Variants in ZFHX4 observed in about 807,000 individuals in gnomAD.
The protein encoded by ZFHX4 is zinc finger homeobox protein 4.
A neutral mutation model predicts 267.6 loss-of-function variants in ZFHX4; 56 were observed. The observed-to-expected ratio is 0.21, with a 90% confidence interval of 0.17 to 0.26. The LOEUF (loss-of-function observed/expected upper bound fraction) is 0.26, where lower values mean the gene tolerates loss of function less well. ZFHX4 is among the 10% of genes least tolerant of loss of function. The pLI is 1.00. For synonymous variants in ZFHX4, 1,778 were observed against 1,665.6 expected (o/e 1.07, Z -1.64); for missense variants, 4,332 against 4,420.0 (o/e 0.98, Z 0.56).
chr8:76,742,753 T>C (rs564152477), intron 3 of ZFHX4, among the ~76,000 whole-genome samples: 125 of 152,304 alleles, frequency 8.2e-4, no homozygotes, highest in African/African-American at 2.9e-3. Context: ...ACAAGTGATT[T>C]AATAGTCTGC....
At chr8:76,827,149 G>A (rs1439356415) in intron 4 of ZFHX4, among the ~76,000 whole-genome samples, 4 of 152,228 alleles carry the variant, frequency 2.6e-5, no homozygotes, top group African/African-American at 4.8e-5. Flanking sequence ...TTCCACAGAC[G>A]GAGTGGTCAG....
intron 3 of ZFHX4, among the ~76,000 whole-genome samples, chr8:76,728,509 G>C (rs769242450): frequency 6.6e-6 from 1 of 152,172 alleles, no homozygotes; most frequent in Non-Finnish European, 1.5e-5. Flanking sequence ...ATCAGTGAGT[G>C]AAAAAGAACT....
Position 76,791,563 on chromosome 8 carries a change from T to G in ZFHX4, c.3325+13124T>G, listed in dbSNP as rs184827158. On this transcript the variant is annotated intron_variant, in intron 4 of 10. Coordinates refer to ENST00000651372, the MANE Select transcript of ZFHX4 (RefSeq NM_024721.5). ...GCTATTTTTACTGTATTTAAAATGT[T>G]GAGAAATTTCATTCCTGTACAAAGT... Among the ~76,000 whole-genome samples the G allele has an allele frequency of 1.0e-3, 153 of 152,254 alleles. 1 individual carries two copies. The South Asian group carries it at 0.012, about 12-fold the overall frequency.
chr8:76,708,263 C>T, intron 3 of ZFHX4: 1 of 600,640 alleles, frequency 1.7e-6, no homozygotes, highest in Non-Finnish European at 2.8e-6. Context: ...TCACTTACAC[C>T]TGTCTCAGTG....
intron 2 of ZFHX4, 57 bp downstream of exon 2, chr8:76,706,735 G>A (rs1260509472): frequency 2.1e-6 from 3 of 1,459,432 alleles, no homozygotes; most frequent in Non-Finnish European, 2.7e-6. Flanking sequence ...TTTTGATTTG[G>A]CGTGATGCAC....
chr8:76,735,904 T>C (rs1465809376), intron 3 of ZFHX4, among the ~76,000 whole-genome samples: 2 of 152,054 alleles, frequency 1.3e-5, no homozygotes, highest in Non-Finnish European at 1.5e-5. Context: ...ATTTTAGGGA[T>C]TAGGATAGTG....
In ZFHX4 at chr8:76,842,766, A is replaced by G. The variant is rs747383007; in HGVS notation, c.3506A>G (p.Asp1169Gly). 13 of 1,549,182 alleles carry G rather than the reference A, an allele frequency of 8.4e-6. No individual in the cohort carries two copies. ...AGTGAAGGCAAAAACTCTAATAAAG[A>G]CTCTGGTAAGATGCAAGAATCTTTC... ...DNSEGKNSNK[D>G]SGIITPEKEL... Residue 1169 changes from aspartate to glycine, a missense_variant, in exon 6 of 11, where the codon GAC becomes GGC. Asp to Gly is a moderately conservative substitution (Grantham distance 94). Coordinates refer to ENST00000651372, the MANE Select transcript of ZFHX4 (RefSeq NM_024721.5).
rs1808262803 is a variant in ZFHX4 at position 76,706,153 on chromosome 8, G to C, written c.2065G>C (p.Gly689Arg). The change falls in exon 2 of 11, where the codon GGT becomes CGT. Residue 689 changes from glycine to arginine, a missense_variant. Gly to Arg is a moderately radical substitution (Grantham distance 125). This residue lies in a region of ZFHX4 where 1,195 missense variants were observed against 1,173.6 expected (regional missense o/e 1.02). Coordinates refer to ENST00000651372, the MANE Select transcript of ZFHX4 (RefSeq NM_024721.5). Reference sequence around the variant, plus strand: ...ACAGCCTCACCCCAGGCTTGCCCGGGGTGAGAGTTACACGTGTGGCTATAA... The same window carrying C: ...ACAGCCTCACCCCAGGCTTGCCCGGCGTGAGAGTTACACGTGTGGCTATAA... ...TGQPHPRLAR[G>R]ESYTCGYKPF... The C allele has an allele frequency of 6.2e-7, 1 of 1,613,988 alleles. No homozygotes were observed. The highest frequency in any genetic ancestry group is 8.5e-7 in the Non-Finnish European group (1 of 1,179,966).
chr8:76,806,792 T>A (rs1351186086), intron 4 of ZFHX4, among the ~76,000 whole-genome samples: 1 of 152,092 alleles, frequency 6.6e-6, no homozygotes, highest in East Asian at 1.9e-4. Context: ...TTTTTTTGTT[T>A]TTGTTATTTC....
intron 4 of ZFHX4, among the ~76,000 whole-genome samples, chr8:76,802,474 A>T (rs1199088429): frequency 6.6e-6 from 1 of 152,162 alleles, no homozygotes; most frequent in Non-Finnish European, 1.5e-5. Context: ...TAATGCCTAC[A>T]AGCTTCTGCA....
chr8:76,861,598 A>T (rs1319482920), intron 10 of ZFHX4, among the ~76,000 whole-genome samples: 2 of 152,226 alleles, frequency 1.3e-5, no homozygotes, highest in East Asian at 3.9e-4. Context: ...TGTGATAAGG[A>T]TAAGGGTCAA....
chr8:76,755,485 AACC>A (rs939353388), intron 3 of ZFHX4, among the ~76,000 whole-genome samples: 5 of 152,172 alleles, frequency 3.3e-5, no homozygotes, highest in African/African-American at 1.2e-4. Context: ...CTATGGCATC[AACC>A]AGGACAAGAT....
chr8:76,803,726 A>C (rs1430410432), intron 4 of ZFHX4, among the ~76,000 whole-genome samples: 3 of 152,164 alleles, frequency 2.0e-5, no homozygotes, highest in African/African-American at 7.2e-5. Context: ...TAAATAGGGC[A>C]AATAAACAAG....
intron 1 of ZFHX4, among the ~76,000 whole-genome samples, chr8:76,700,953 A>G (rs542730385): frequency 4.6e-5 from 7 of 152,224 alleles, no homozygotes; most frequent in Middle Eastern, 3.4e-3. Flanking sequence ...AATTAATTCT[A>G]TGGTTTAAGT....
At chr8:76,736,932 T>G (rs1188350158) in intron 3 of ZFHX4, among the ~76,000 whole-genome samples, 1 of 152,056 alleles carries the variant, frequency 6.6e-6, no homozygotes, top group African/African-American at 2.4e-5. Context: ...ACATTGAGCA[T>G]CAGATGACAC....
At chr8:76,757,185 T>C (rs1481121724) in intron 3 of ZFHX4, among the ~76,000 whole-genome samples, 1 of 152,092 alleles carries the variant, frequency 6.6e-6, no homozygotes, top group Non-Finnish European at 1.5e-5. Flanking sequence ...AACATGTCTG[T>C]TCTAACTGGG....
chr8:76,835,242 T>TATATATATATATATAC (rs1812052261), intron 5 of ZFHX4, among the ~76,000 whole-genome samples: 1 of 60,848 alleles, frequency 1.6e-5, no homozygotes, highest in Non-Finnish European at 2.9e-5. Context: ...TATATATATG[T>TATATATATATATATAC]ATATATATAT....
intron 6 of ZFHX4, among the ~76,000 whole-genome samples, chr8:76,845,642 G>T (rs1812345599): frequency 6.6e-6 from 1 of 151,712 alleles, no homozygotes; most frequent in Non-Finnish European, 1.5e-5. Context: ...ATTAAGATTT[G>T]CTTTGAGTAC....
At chr8:76,719,519 C>T (rs1583351) in intron 3 of ZFHX4, among the ~76,000 whole-genome samples, 146,258 of 151,614 alleles carry the variant, frequency 0.96, 70,531 homozygotes, top group East Asian at 1. Context: ...TAAGCCTTTT[C>T]TTTTTCTACA....
Sources: allele counts gnomAD v4.1 joint callset (sites outside exome capture counted in the v4.1 genomes callset), GRCh38; gene constraint gnomAD v4.1.1; regional missense constraint gnomAD v4.1.1; transcripts MANE v1.5; gene names NCBI Gene and HGNC (gene_info 2026-07-23, HGNC 2026-07-21).